Variants in NOX3 observed in about 807,000 individuals in gnomAD.
NOX3 encodes the protein NADPH oxidase 3.
Under a neutral mutation model 76.7 loss-of-function variants are expected in NOX3, and 74 were observed. The observed-to-expected ratio is 0.96, with a 90% CI of 0.80 to 1.17. The LOEUF (loss-of-function observed/expected upper bound fraction) is 1.17, where lower values mean the gene tolerates loss of function less well. Among genes scored for constraint, NOX3 ranks in the 50% most tolerant of loss-of-function variants. The pLI is 0.00. For missense variants in NOX3, 695 were observed against 703.3 expected, an observed-to-expected ratio of 0.99 and a Z score of 0.13; for synonymous variants, 263 against 261.1, an observed-to-expected ratio of 1.01 and a Z score of -0.07.
At chr6:155,417,759 C>T (rs1290854072) in intron 10 of NOX3, among the ~76,000 whole-genome samples, 1 of 152,074 alleles carries the variant, frequency 6.6e-6, no homozygotes, top group Non-Finnish European at 1.5e-5. Context: ...GCAGGCCCTC[C>T]TTTGTTTTAT....
intron 10 of NOX3, among the ~76,000 whole-genome samples, chr6:155,420,810 G>A (rs906145950): frequency 1.3e-5 from 2 of 152,082 alleles, no homozygotes; most frequent in Non-Finnish European, 2.9e-5. Context: ...GATAAATCTA[G>A]GCCATTAGTA....
At chr6:155,396,510 G>A (rs908771764) in intron 13 of NOX3, among the ~76,000 whole-genome samples, 4 of 152,174 alleles carry the variant, frequency 2.6e-5, no homozygotes, top group Admixed American at 1.3e-4. Context: ...AATCCAGCTC[G>A]CCCCCTGAGT....
chr6:155,409,796 T>C (rs1776517885), intron 11 of NOX3, among the ~76,000 whole-genome samples: 1 of 152,212 alleles, frequency 6.6e-6, no homozygotes, highest in Admixed American at 6.5e-5. Context: ...ACATCTATTT[T>C]AATCTACTTG....
Position 155,396,909 on chromosome 6 carries a change from T to G in NOX3, c.1634A>C (p.Gln545Pro). 1 of 1,613,536 alleles carries G rather than the reference T, an allele frequency of 6.2e-7. No individual in the cohort carries two copies. ...TGATGAATACAAGTGGCACATCTTT[T>G]GAAGTGTCCTCGAGAGAGCTTTAGG... ...CGPKALSRTL[Q>P]KMCHLYSSAD... The change falls in exon 13 of 14, where the codon CAA becomes CCA. Residue 545 changes from glutamine (Q) to proline (P), a missense_variant. By Grantham distance (76) the Gln-to-Pro change is moderately conservative. Coordinates refer to ENST00000159060, the MANE Select transcript of NOX3 (RefSeq NM_015718.3).
intron 12 of NOX3, among the ~76,000 whole-genome samples, chr6:155,405,478 T>C (rs929007069): frequency 7.2e-5 from 11 of 152,324 alleles, no homozygotes; most frequent in Non-Finnish European, 1.2e-4. Flanking sequence ...ACAGTCCATG[T>C]GCTCACACCT....
chr6:155,451,790 A>G (rs1446988319), intron 4 of NOX3, among the ~76,000 whole-genome samples: 1 of 151,848 alleles, frequency 6.6e-6, no homozygotes, highest in African/African-American at 2.4e-5. Context: ...ACGCCCAGCT[A>G]ATATTTTTTG....
chr6:155,403,214 C>T (rs1417472007), intron 12 of NOX3, among the ~76,000 whole-genome samples: 1 of 152,164 alleles, frequency 6.6e-6, no homozygotes, highest in African/African-American at 2.4e-5. Context: ...TTAAAAGCTT[C>T]ATTAAACATA....
At chr6:155,434,655 T>A (rs183601240) in intron 7 of NOX3, among the ~76,000 whole-genome samples, 1 of 152,344 alleles carries the variant, frequency 6.6e-6, no homozygotes, top group African/African-American at 2.4e-5. Context: ...TCAGTCTTCA[T>A]ATATTTTTAC....
chr6:155,417,605 A>G (rs968255180), intron 10 of NOX3, among the ~76,000 whole-genome samples: 2 of 152,198 alleles, frequency 1.3e-5, no homozygotes, highest in Non-Finnish European at 2.9e-5. Flanking sequence ...AAAGAGGCCA[A>G]CTGATGGCAG....
chr6:155,422,801 C>T lies in NOX3; in HGVS notation c.1201G>A (p.Val401Met). The T allele has an allele frequency of 6.2e-7, 1 of 1,614,224 alleles. No individual in the cohort carries two copies. Among genetic ancestry groups the T allele is most frequent in the Non-Finnish European group, 8.5e-7 (1 of 1,180,032 alleles). ...TALTDVFHYP[V>M]CVCVAAGIGV... ...ATCCCCGCGGCAACGCACACACACACTGGGTAGTGAAATACATCTGTCAGG... is the reference window on the plus strand; with the variant it reads ...ATCCCCGCGGCAACGCACACACACATTGGGTAGTGAAATACATCTGTCAGG... Residue 401 changes from valine (V) to methionine (M), a missense_variant, in exon 10 of 14, where the codon GTG (valine) becomes ATG (methionine). By Grantham distance (21) the Val-to-Met change is conservative. Transcript: ENST00000159060.
chr6:155,405,727 C>T (rs1776448288), intron 12 of NOX3, among the ~76,000 whole-genome samples: 1 of 152,164 alleles, frequency 6.6e-6, no homozygotes, highest in Non-Finnish European at 1.5e-5. Flanking sequence ...TTCAGCTCAA[C>T]CCGCAAAGAC....
intron 8 of NOX3, among the ~76,000 whole-genome samples, chr6:155,430,191 C>G (rs531972694): frequency 3.3e-5 from 5 of 152,270 alleles, no homozygotes; most frequent in African/African-American, 1.2e-4. Context: ...CCTTTTCACT[C>G]TCCTAGGCAT....
chr6:155,429,202 G>A (rs554838368), intron 8 of NOX3, among the ~76,000 whole-genome samples, 155 bp from the exon 9 acceptor site: 4 of 152,202 alleles, frequency 2.6e-5, no homozygotes, highest in African/African-American at 4.8e-5. Flanking sequence ...ATGTGCCATC[G>A]CTTTCACATC....
chr6:155,432,635 T>G (rs1421469927), intron 7 of NOX3, among the ~76,000 whole-genome samples: 8 of 152,190 alleles, frequency 5.3e-5, no homozygotes, highest in African/African-American at 1.7e-4. Context: ...GTCCCTCTTC[T>G]CACCTACATC....
chr6:155,429,458 T>C (rs1479899643), intron 8 of NOX3, among the ~76,000 whole-genome samples: 1 of 152,258 alleles, frequency 6.6e-6, no homozygotes, highest in African/African-American at 2.4e-5. Flanking sequence ...GTTACCTTTT[T>C]CAATGATCTG....
intron 10 of NOX3, among the ~76,000 whole-genome samples, chr6:155,417,111 A>G (rs1334748196): frequency 1.3e-5 from 2 of 152,158 alleles, no homozygotes; most frequent in Non-Finnish European, 2.9e-5. Context: ...ACTATGGAAT[A>G]CTCTAAAGAC....
At chr6:155,441,089 A>G (rs1158160534) in intron 5 of NOX3, among the ~76,000 whole-genome samples, 1 of 152,202 alleles carries the variant, frequency 6.6e-6, no homozygotes, top group East Asian at 1.9e-4. Context: ...AGTGCAAGGG[A>G]CAGTAAAATA....
chr6:155,437,726 A>T (rs371891353), intron 6 of NOX3, among the ~76,000 whole-genome samples: 4 of 152,260 alleles, frequency 2.6e-5, no homozygotes, highest in Admixed American at 1.3e-4. Flanking sequence ...CATAGTGTCT[A>T]AAAGAAGCCT....
At chr6:155,402,012 C>T (rs898419341) in intron 12 of NOX3, among the ~76,000 whole-genome samples, 2 of 152,140 alleles carry the variant, frequency 1.3e-5, no homozygotes, top group Admixed American at 6.5e-5. Context: ...GCTGAGTATC[C>T]GTACAATGTG....
Sources: allele counts gnomAD v4.1 joint callset (sites outside exome capture counted in the v4.1 genomes callset), GRCh38; gene constraint gnomAD v4.1.1; transcripts MANE v1.5; gene names NCBI Gene and HGNC (gene_info 2026-07-23, HGNC 2026-07-21).